Variants in EEFSEC observed in about 807,000 individuals in gnomAD.
The protein encoded by EEFSEC is eukaryotic elongation factor, selenocysteine-tRNA specific, also known as selenocysteine-specific elongation factor.
EEFSEC carries 43 observed loss-of-function variants against 42.1 expected under a neutral mutation model. That is an observed-to-expected ratio of 1.02 (90% CI 0.80 to 1.32). EEFSEC has a LOEUF of 1.32. Ranked by LOEUF, EEFSEC falls within the 40% of genes most tolerant of loss-of-function variation. The pLI is 0.00. For missense variants in EEFSEC, 745 were observed against 803.6 expected, an observed-to-expected ratio of 0.93 and a Z score of 0.88; for synonymous variants, 354 against 339.1, an observed-to-expected ratio of 1.04 and a Z score of -0.48.
chr3:128,153,855 A>G (rs1393966135), intron 1 of EEFSEC, 32 bp downstream of exon 1: 24 of 1,473,920 alleles, frequency 1.6e-5, no homozygotes, highest in Non-Finnish European at 2.1e-5. Context: ...AGCCGGGCTC[A>G]GGGACGCGGG....
intron 4 of EEFSEC, among the ~76,000 whole-genome samples, chr3:128,295,048 T>C (rs1233978500): frequency 6.6e-6 from 1 of 152,214 alleles, no homozygotes; most frequent in Non-Finnish European, 1.5e-5. Flanking sequence ...GGCTGCACCA[T>C]GTGTGGTGTT....
intron 2 of EEFSEC, among the ~76,000 whole-genome samples, chr3:128,257,730 C>T (rs911135300): frequency 1.3e-5 from 2 of 152,172 alleles, no homozygotes; most frequent in African/African-American, 2.4e-5. Context: ...AAGCTTATAA[C>T]GGGCATTACC....
At chr3:128,302,462 T>A (rs1379740142) in intron 4 of EEFSEC, among the ~76,000 whole-genome samples, 13 of 152,148 alleles carry the variant, frequency 8.5e-5, no homozygotes, top group Admixed American at 8.5e-4. Flanking sequence ...CCAGCTTAGG[T>A]TTCATATGCC....
intron 1 of EEFSEC, among the ~76,000 whole-genome samples, chr3:128,230,371 TCTCAAACTCTTGGC>T (rs1489356422): frequency 4.6e-5 from 7 of 152,160 alleles, no homozygotes; most frequent in African/African-American, 1.4e-4. Context: ...CCCAGACTGG[TCTCAAACTCTTGGC>T]CTCAAGCCAT....
At chr3:128,282,124 G>C (rs774290767) in intron 4 of EEFSEC, among the ~76,000 whole-genome samples, 1 of 152,250 alleles carries the variant, frequency 6.6e-6, no homozygotes, top group African/African-American at 2.4e-5. Flanking sequence ...CCTGGAGCAA[G>C]GGTGCCTGGA....
intron 1 of EEFSEC, among the ~76,000 whole-genome samples, chr3:128,230,553 A>G (rs2065950021): frequency 2.6e-5 from 4 of 152,188 alleles, no homozygotes; most frequent in Admixed American, 2.6e-4. Context: ...ATGGGAACTC[A>G]GGCTCAAGAG....
At chr3:128,387,481 C>G (rs1328187243) in intron 6 of EEFSEC, among the ~76,000 whole-genome samples, 1 of 151,950 alleles carries the variant, frequency 6.6e-6, no homozygotes, top group African/African-American at 2.4e-5. Flanking sequence ...GTCTGGGGGG[C>G]GTCGAAGAGT....
chr3:128,299,632 G>A (rs1334743974), intron 4 of EEFSEC, among the ~76,000 whole-genome samples: 2 of 152,142 alleles, frequency 1.3e-5, no homozygotes, highest in African/African-American at 4.8e-5. Flanking sequence ...GGGAAGGCCT[G>A]GAGGAAGGCA....
At chr3:128,154,572 C>T (rs1043723027) in intron 1 of EEFSEC, among the ~76,000 whole-genome samples, 1 of 152,028 alleles carries the variant, frequency 6.6e-6, no homozygotes. Context: ...GCCTCAGTCT[C>T]CTGAGTAGCT....
At chr3:128,337,985 T>G (rs2067208709) in intron 4 of EEFSEC, among the ~76,000 whole-genome samples, 1 of 152,118 alleles carries the variant, frequency 6.6e-6, no homozygotes, top group South Asian at 2.1e-4. Flanking sequence ...ATTGCAGCAT[T>G]TTCCAGCAAA....
At chr3:128,381,979 A>T (rs2067781710) in intron 6 of EEFSEC, among the ~76,000 whole-genome samples, 1 of 152,194 alleles carries the variant, frequency 6.6e-6, no homozygotes, top group African/African-American at 2.4e-5. Context: ...TGAGGACGCC[A>T]TCCACTACCT....
intron 1 of EEFSEC, among the ~76,000 whole-genome samples, chr3:128,173,749 T>A (rs2065321591): frequency 6.6e-6 from 1 of 152,226 alleles, no homozygotes; most frequent in Non-Finnish European, 1.5e-5. Context: ...TGAATTATGA[T>A]CATATTTCAA....
At chr3:128,284,648 G>A (rs1025046631) in intron 4 of EEFSEC, among the ~76,000 whole-genome samples, 2 of 152,202 alleles carry the variant, frequency 1.3e-5, no homozygotes, top group African/African-American at 4.8e-5. Context: ...ACCAGGGTAT[G>A]TGCAAAAGCC....
intron 5 of EEFSEC, among the ~76,000 whole-genome samples, chr3:128,344,549 A>G (rs1362659476): frequency 6.6e-6 from 1 of 152,242 alleles, no homozygotes; most frequent in Non-Finnish European, 1.5e-5. Flanking sequence ...GTCACAGGGT[A>G]GTAAAGCTGG....
At chr3:128,265,308 A>G (rs942783186) in intron 4 of EEFSEC, among the ~76,000 whole-genome samples, 2 of 152,212 alleles carry the variant, frequency 1.3e-5, no homozygotes, top group South Asian at 2.1e-4. Flanking sequence ...CCTGGTGGCC[A>G]TCGACAGATG....
At chr3:128,206,303 G>A (rs1235863465) in intron 1 of EEFSEC, among the ~76,000 whole-genome samples, 1 of 152,218 alleles carries the variant, frequency 6.6e-6, no homozygotes, top group African/African-American at 2.4e-5. Context: ...GGAAGAGGCA[G>A]GAGCTCCTCT....
In EEFSEC at chr3:128,334,963, C is replaced by A. The variant is rs913730637; in HGVS notation, c.787-6270C>A. On this transcript the variant is annotated intron_variant, in intron 4 of 6. Transcript: ENST00000254730. ...ACACTGGGGGCCCCTGGGCAGCAGGCCCCAGCCCTATCCTCCCATTTGGTA... is the reference window on the plus strand; with the variant it reads ...ACACTGGGGGCCCCTGGGCAGCAGGACCCAGCCCTATCCTCCCATTTGGTA... 3.9e-5 allele frequency among the ~76,000 whole-genome samples: 6 copies of A among 152,224 alleles called. No individual in the cohort carries two copies. The East Asian group carries it at 7.7e-4, about 20-fold the overall frequency.
chr3:128,419,948 G>A, the EEFSEC span, among the ~76,000 whole-genome samples: 12 of 152,144 alleles, frequency 7.9e-5, no homozygotes, highest in Non-Finnish European at 1.5e-4. Context: ...TGTGATGGCC[G>A]CAGCGGGAGG....
intron 4 of EEFSEC, among the ~76,000 whole-genome samples, chr3:128,265,297 T>G (rs1367312300): frequency 6.6e-6 from 1 of 152,182 alleles, no homozygotes; most frequent in Non-Finnish European, 1.5e-5. Context: ...GGTTTTGCAC[T>G]CCTGGTGGCC....
Sources: allele counts gnomAD v4.1 joint callset (sites outside exome capture counted in the v4.1 genomes callset), GRCh38; gene constraint gnomAD v4.1.1; transcripts MANE v1.5; gene names NCBI Gene and HGNC (gene_info 2026-07-23, HGNC 2026-07-21).